Variants in NANS observed in about 807,000 individuals in gnomAD.
NANS encodes the protein N-acetylneuraminate-9-phosphate synthase.
Under a neutral mutation model 33.3 loss-of-function variants are expected in NANS, and 29 were observed. The observed-to-expected ratio is 0.87, with a 90% CI of 0.65 to 1.19. The LOEUF (loss-of-function observed/expected upper bound fraction) is 1.19. NANS is among the 50% of genes most tolerant of loss of function. NANS has a pLI of 0.00. For synonymous variants in NANS, 163 were observed against 177.2 expected (o/e 0.92, Z 0.64); for missense variants, 394 against 461.1 (o/e 0.85, Z 1.33).
chr9:98,061,230 A>G, intron 2 of NANS: 2 of 497,430 alleles, frequency 4.0e-6, no homozygotes, highest in South Asian at 4.5e-5. Context: ...TAATCCCGGC[A>G]CTTTGGGAGA....
At chr9:98,060,011 C>T (rs953754416) in intron 1 of NANS, among the ~76,000 whole-genome samples, 2 of 152,136 alleles carry the variant, frequency 1.3e-5, no homozygotes, top group Non-Finnish European at 2.9e-5. Context: ...GTAGCCCAAA[C>T]TGCTTTTATA....
chr9:98,065,497 T>C (rs1564157663), intron 2 of NANS, among the ~76,000 whole-genome samples: 1 of 137,456 alleles, frequency 7.3e-6, no homozygotes, highest in African/African-American at 2.8e-5. Flanking sequence ...TTTTTTTTTT[T>C]TTTTTTTTTT....
chr9:98,067,133 T>G (rs1371184990), intron 2 of NANS, among the ~76,000 whole-genome samples: 1 of 152,236 alleles, frequency 6.6e-6, no homozygotes, highest in East Asian at 1.9e-4. Flanking sequence ...ATGGCTATAC[T>G]ACATTTTATT....
intron 3 of NANS, 35 bp from the exon 4 acceptor site, chr9:98,078,158 G>A (rs374277406): frequency 6.2e-7 from 1 of 1,613,780 alleles, no homozygotes; most frequent in Non-Finnish European, 8.5e-7. Flanking sequence ...CCTCTAAAGA[G>A]AAAGTGCTGA....
intron 2 of NANS, among the ~76,000 whole-genome samples, chr9:98,072,146 T>G (rs1203005876): frequency 6.6e-6 from 1 of 152,152 alleles, no homozygotes; most frequent in African/African-American, 2.4e-5. Flanking sequence ...CATGTAACCT[T>G]GGAGCCGCAG....
intron 2 of NANS, among the ~76,000 whole-genome samples, chr9:98,068,691 T>C (rs1829222910): frequency 6.6e-6 from 1 of 151,286 alleles, no homozygotes; most frequent in Non-Finnish European, 1.5e-5. Flanking sequence ...TGTGTGCCTG[T>C]AGCCTCAGCT....
chr9:98,066,735 C>A lies in NANS; in HGVS notation c.348+5738C>A, dbSNP rs1294608869. Reference sequence around the variant, plus strand: ...GTAGGATCTTGGCTCACTGCAACCTCCACCTCTCAGGTTCAAGCAATTCTC... The same window carrying A: ...GTAGGATCTTGGCTCACTGCAACCTACACCTCTCAGGTTCAAGCAATTCTC... On this transcript the variant is annotated intron_variant, in intron 2 of 5. Transcript: ENST00000210444. 2.0e-5 allele frequency among the ~76,000 whole-genome samples: 3 copies of A among 151,942 alleles called. No homozygotes were observed. The East Asian group carries it at 5.8e-4, about 29-fold the overall frequency.
rs1347205538 is a variant in NANS, at chr9:98,056,825, A to G, written c.17A>G (p.Glu6Gly). Residue 6 changes from glutamate to glycine, a missense_variant, in exon 1 of 6, where the codon GAG becomes GGG. By Grantham distance (98) the Glu-to-Gly change is moderately conservative (BLOSUM62 -2). Coordinates refer to ENST00000210444, the MANE Select transcript of NANS (RefSeq NM_018946.4). The stretch of plus-strand genomic sequence containing the variant: ...GCCGCTGCAATGCCGCTGGAGCTGG[A>G]GCTGTGTCCCGGGCGCTGGGTGGGC... MPLEL[E>G]LCPGRWVGGQ... 3 of 1,608,948 alleles carry G rather than the reference A, an allele frequency of 1.9e-6. No homozygotes were observed. In the Admixed American group the frequency reaches 5.0e-5, roughly 27 times the overall value.
Position 98,065,363 on chromosome 9 carries a change from A to ATT in NANS, c.348+4366_348+4367insTT, listed in dbSNP as rs1441419430. On this transcript the variant is annotated intron_variant, in intron 2 of 5. Coordinates refer to ENST00000210444, the MANE Select transcript of NANS (RefSeq NM_018946.4). ...GTTTCGTTATTGTTGCCCAGGCTGG[A>ATT]GTGCAATCAATGGTGCAATCTCGGC... is the stretch of plus-strand genomic sequence containing the variant. Among the ~76,000 whole-genome samples the ATT allele has an allele frequency of 1.5e-4, 18 of 119,920 alleles. 1 individual carries two copies. The highest frequency in any genetic ancestry group is 5.9e-4 in the African/African-American group (17 of 28,756). The allele number at this position is 119,920 out of a possible 152,430, so 78.7% of individuals were successfully genotyped here. A position where few individuals can be genotyped will look rare whatever the true frequency, so the allele number is the denominator to read the frequency against.
At chr9:98,070,869 A>G (rs980074714) in intron 2 of NANS, among the ~76,000 whole-genome samples, 3 of 151,498 alleles carry the variant, frequency 2.0e-5, no homozygotes, top group Admixed American at 1.3e-4. Context: ...TAGCAGCACA[A>G]TCATAGCTCA....
At chr9:98,065,518 TA>T (rs1829120178) in intron 2 of NANS, among the ~76,000 whole-genome samples, 6 of 136,690 alleles carry the variant, frequency 4.4e-5, no homozygotes, top group Admixed American at 1.5e-4. Context: ...TTTGTATTTT[TA>T]GTAGAGACGG....
At chr9:98,081,935 A>C (rs1187647257) in intron 5 of NANS, 1 of 152,240 alleles carries the variant, frequency 6.6e-6, no homozygotes, top group Non-Finnish European at 1.5e-5. Context: ...AACCAGAGTA[A>C]GATTTATAAC....
chr9:98,069,859 G>T (rs1457379023), intron 2 of NANS, among the ~76,000 whole-genome samples: 1 of 152,114 alleles, frequency 6.6e-6, no homozygotes, highest in Non-Finnish European at 1.5e-5. Flanking sequence ...TGTGCATGGG[G>T]TAAAATTGCA....
Position 98,077,001 on chromosome 9 carries a change from A to C in NANS, c.432A>C (p.Glu144Asp). 2 of 1,608,326 alleles carry C rather than the reference A, an allele frequency of 1.2e-6. No individual in the cohort carries two copies. ...ACACTAATAATTTTCCTTATCTGGAAAAGACAGCCAAAAAAGGTAAGTGTC... is the reference window on the plus strand; with the variant it reads ...ACACTAATAATTTTCCTTATCTGGACAAGACAGCCAAAAAAGGTAAGTGTC... Reference protein sequence around the residue: ...SGDTNNFPYLEKTAKKGRPMV... With the variant: ...SGDTNNFPYLDKTAKKGRPMV... The change falls in exon 3 of 6, where the codon GAA becomes GAC. Residue 144 changes from glutamate (E) to aspartate (D), a missense_variant. Physicochemically the swap from Glu to Asp is conservative, Grantham distance 45 (BLOSUM62 2). Coordinates refer to ENST00000210444, the MANE Select transcript of NANS (RefSeq NM_018946.4).
At chr9:98,065,005 C>T (rs1221667566) in intron 2 of NANS, among the ~76,000 whole-genome samples, 1 of 152,134 alleles carries the variant, frequency 6.6e-6, no homozygotes, top group Non-Finnish European at 1.5e-5. Context: ...GCCCTGCAAC[C>T]TGGGGCAGGG....
At position 98,081,127 on chromosome 9, in the gene NANS, A is replaced by T. The variant is rs371227581; in HGVS notation, c.870+45A>T. The T allele has an allele frequency of 6.3e-4, 1,016 of 1,607,702 alleles. 1 individual carries two copies. The highest frequency in any genetic ancestry group is 8.2e-4 in the Admixed American group (49 of 59,828). ...ACTCGGTTCTGCTGCCGTGTGTGGA[A>T]AAAGGATAGGCTGGCCTGAGAGGGA... On this transcript the variant is annotated intron_variant, in intron 5 of 5. Transcript: ENST00000210444.
At position 98,077,008 on chromosome 9, in the gene NANS, G is replaced by A. The variant is rs1287482680; in HGVS notation, c.439G>A (p.Ala147Thr). 4 of 1,603,050 alleles carry A rather than the reference G, an allele frequency of 2.5e-6. No homozygotes were observed. The highest frequency in any genetic ancestry group is 3.4e-5 in the Admixed American group (2 of 58,074). ...TNNFPYLEKT[A>T]KKGRPMVISS... ...TAATTTTCCTTATCTGGAAAAGACA[G>A]CCAAAAAAGGTAAGTGTCTAATTTT... The change falls in exon 3 of 6, where the codon GCC (alanine) becomes ACC (threonine). Residue 147 changes from alanine to threonine, a missense_variant. Ala to Thr is a moderately conservative substitution (Grantham distance 58). Coordinates refer to ENST00000210444, the MANE Select transcript of NANS (RefSeq NM_018946.4).
chr9:98,065,294 AG>A (rs1315304041), intron 2 of NANS, among the ~76,000 whole-genome samples: 3 of 140,988 alleles, frequency 2.1e-5, no homozygotes, highest in African/African-American at 7.9e-5. Context: ...TTAAAGTGTT[AG>A]TCACTCCTGG....
At chr9:98,057,027 C>T (rs1213585648) in intron 1 of NANS, 87 bp downstream of exon 1, 2 of 1,429,334 alleles carry the variant, frequency 1.4e-6, no homozygotes, top group East Asian at 2.6e-5. Flanking sequence ...ACGGCCTCCG[C>T]GGCTGGGTAC....
Sources: allele counts gnomAD v4.1 joint callset (sites outside exome capture counted in the v4.1 genomes callset), GRCh38; gene constraint gnomAD v4.1.1; transcripts MANE v1.5; gene names NCBI Gene and HGNC (gene_info 2026-07-23, HGNC 2026-07-21).